ALOX5: variants seen among roughly 807,000 people sequenced by gnomAD.
The protein encoded by ALOX5 is arachidonate 5-lipoxygenase.
Under a neutral mutation model 87.9 loss-of-function variants are expected in ALOX5, and 64 were observed. The ratio of observed to expected loss-of-function variants is 0.73; its 90% CI spans 0.60 to 0.90. The LOEUF (loss-of-function observed/expected upper bound fraction) is 0.90, where lower values mean the gene tolerates loss of function less well. Among genes scored for constraint, ALOX5 ranks in the 40% least tolerant of loss-of-function variants. The pLI, the probability that ALOX5 is intolerant of heterozygous loss-of-function variation, is 0.00. For synonymous variants in ALOX5, 388 were observed against 355.1 expected, an observed-to-expected ratio of 1.09 and a Z score of -1.04; for missense variants, 822 against 907.5, an observed-to-expected ratio of 0.91 and a Z score of 1.21.
intron 1 of ALOX5, among the ~76,000 whole-genome samples, chr10:45,377,964 T>C (rs1251211308): frequency 6.6e-6 from 1 of 151,886 alleles, no homozygotes; most frequent in Non-Finnish European, 1.5e-5. Context: ...GGCCGGTGAG[T>C]TGCAGGTTTC....
intron 2 of ALOX5, among the ~76,000 whole-genome samples, chr10:45,391,283 C>T (rs1200705462): frequency 6.6e-6 from 1 of 152,134 alleles, no homozygotes; most frequent in East Asian, 1.9e-4. Context: ...TTGGTGGAGA[C>T]GGGGTTTCGC....
At chr10:45,422,200 A>G (rs77550209) in intron 4 of ALOX5, among the ~76,000 whole-genome samples, 130 of 152,224 alleles carry the variant, frequency 8.5e-4, no homozygotes, top group Non-Finnish European at 1.5e-3. Context: ...GCCTTCATGC[A>G]TGTTCACAGG....
intron 3 of ALOX5, among the ~76,000 whole-genome samples, chr10:45,409,949 G>T: frequency 6.6e-6 from 1 of 152,268 alleles, no homozygotes. Context: ...CATTGGTGCT[G>T]CCACCCTCCA....
intron 2 of ALOX5, among the ~76,000 whole-genome samples, chr10:45,392,715 GAAAAA>G (rs922399767): frequency 7.1e-6 from 1 of 140,306 alleles, no homozygotes; most frequent in Admixed American, 7.0e-5. Flanking sequence ...TAAAAAAAAA[GAAAAA>G]AAAAAGAAGA....
intron 3 of ALOX5, 64 bp downstream of exon 3, chr10:45,396,000 T>C: frequency 2.0e-6 from 3 of 1,532,920 alleles, no homozygotes; most frequent in Non-Finnish European, 2.7e-6. Context: ...AAGAGCATGG[T>C]ATGAAATAAA....
intron 4 of ALOX5, among the ~76,000 whole-genome samples, chr10:45,423,662 C>A (rs561140864): frequency 5.9e-5 from 9 of 152,224 alleles, no homozygotes; most frequent in African/African-American, 2.2e-4. Context: ...TTGAACTGTT[C>A]ATCGCCCCAA....
At chr10:45,381,410 G>A (rs1174078739) in intron 1 of ALOX5, among the ~76,000 whole-genome samples, 2 of 152,266 alleles carry the variant, frequency 1.3e-5, no homozygotes, top group African/African-American at 4.8e-5. Flanking sequence ...ACTGGAAAGA[G>A]AGGAAGTGGC....
At chr10:45,436,345 T>G (rs1339776761) in intron 7 of ALOX5, among the ~76,000 whole-genome samples, 1 of 152,158 alleles carries the variant, frequency 6.6e-6, no homozygotes, top group Non-Finnish European at 1.5e-5. Context: ...TCCATAAGAT[T>G]TTTTCCTAGG....
At position 45,382,047 on chromosome 10, in the gene ALOX5, T is replaced by A. The variant is rs998213898; in HGVS notation, c.151-436T>A. Among the ~76,000 whole-genome samples the A allele has an allele frequency of 2.0e-5, 3 of 152,208 alleles. No homozygotes were observed. The East Asian group carries it at 5.8e-4, about 29-fold the overall frequency. On this transcript the variant is annotated intron_variant, in intron 1 of 13. Transcript: ENST00000374391. ...TGGCATGGGAGCCCTCTTAAAAAGA[T>A]GAAGACCCCAAGAAGCAGTTAGAGT...
At chr10:45,443,354 C>T in intron 10 of ALOX5, 62 bp from the exon 11 acceptor site, 3 of 1,590,436 alleles carry the variant, frequency 1.9e-6, no homozygotes, top group South Asian at 1.1e-5. Flanking sequence ...AGGGGGTTGC[C>T]GCCGGGCACC....
At chr10:45,430,405 A>G (rs1589038688) in intron 7 of ALOX5, among the ~76,000 whole-genome samples, 1 of 152,082 alleles carries the variant, frequency 6.6e-6, no homozygotes, top group East Asian at 1.9e-4. Context: ...CCTCCTCATG[A>G]GGCTGATGGA....
At chr10:45,420,778 T>A (rs17157771) in intron 4 of ALOX5, among the ~76,000 whole-genome samples, 5,315 of 152,188 alleles carry the variant, frequency 0.035, 121 homozygotes, top group South Asian at 0.096. Flanking sequence ...GCGTAAAAAA[T>A]GGAAAAGCTG....
chr10:45,379,574 G>A (rs1192454169), intron 1 of ALOX5, among the ~76,000 whole-genome samples: 3 of 152,180 alleles, frequency 2.0e-5, no homozygotes, highest in Non-Finnish European at 2.9e-5. Context: ...ATGTAGTCAC[G>A]AAGTGGCCGT....
intron 4 of ALOX5, among the ~76,000 whole-genome samples, chr10:45,414,504 A>T (rs1486289422): frequency 6.6e-6 from 1 of 152,220 alleles, no homozygotes; most frequent in Non-Finnish European, 1.5e-5. Flanking sequence ...AACCTAGGCA[A>T]TACCATTCAG....
intron 7 of ALOX5, among the ~76,000 whole-genome samples, chr10:45,439,356 A>T (rs1283067677): frequency 1.3e-5 from 2 of 152,130 alleles, no homozygotes; most frequent in Non-Finnish European, 2.9e-5. Context: ...AGCCATGACC[A>T]CTGTGCTGCA....
chr10:45,419,941 A>C lies in ALOX5; in HGVS notation c.555-4100A>C, dbSNP rs1426469605. On this transcript the variant is annotated intron_variant, in intron 4 of 13. Transcript: ENST00000374391. ...TGATGGCGGAGGAAAGAGAGGCCGGAAGAGGAGGGGGCCTGCTGGCCTGGC... is the reference window on the plus strand; with the variant it reads ...TGATGGCGGAGGAAAGAGAGGCCGGCAGAGGAGGGGGCCTGCTGGCCTGGC... 3.9e-5 allele frequency among the ~76,000 whole-genome samples: 6 copies of C among 152,232 alleles called. No individual in the cohort carries two copies. In the East Asian group the frequency reaches 1.2e-3, roughly 29 times the overall value.
At chr10:45,427,589 G>C (rs887776330) in intron 6 of ALOX5, among the ~76,000 whole-genome samples, 2 of 152,214 alleles carry the variant, frequency 1.3e-5, no homozygotes, top group East Asian at 1.9e-4. Context: ...GGAGCTGCAG[G>C]GGGGCGCTCT....
At chr10:45,424,708 C>T (rs1432554840) in intron 5 of ALOX5, among the ~76,000 whole-genome samples, 1 of 152,212 alleles carries the variant, frequency 6.6e-6, no homozygotes, top group African/African-American at 2.4e-5. Flanking sequence ...CTGGACACTC[C>T]ATGCTGGGCT....
chr10:45,414,843 A>G (rs1841214557), intron 4 of ALOX5, among the ~76,000 whole-genome samples: 1 of 152,266 alleles, frequency 6.6e-6, no homozygotes, highest in African/African-American at 2.4e-5. Context: ...AATGCTCATC[A>G]TCACTGGCCA....
Sources: allele counts gnomAD v4.1 joint callset (sites outside exome capture counted in the v4.1 genomes callset), GRCh38; gene constraint gnomAD v4.1.1; transcripts MANE v1.5; gene names NCBI Gene and HGNC (gene_info 2026-07-23, HGNC 2026-07-21).